Variants in EPHA6 observed in about 807,000 individuals in gnomAD.
EPHA6 encodes the protein ephrin type-A receptor 6.
A neutral mutation model predicts 112.0 loss-of-function variants in EPHA6; 50 were observed. The observed-to-expected ratio is 0.45, with a 90% CI of 0.36 to 0.56. EPHA6 has a LOEUF of 0.56. EPHA6 is among the 20% of genes least tolerant of loss of function. The pLI is 0.00. For synonymous variants in EPHA6, 529 were observed against 490.7 expected (o/e 1.08, Z -1.03); for missense variants, 1,280 against 1,417.4 (o/e 0.90, Z 1.56).
At chr3:96,896,274 A>G (rs2038265949) in intron 2 of EPHA6, among the ~76,000 whole-genome samples, 1 of 151,996 alleles carries the variant, frequency 6.6e-6, no homozygotes, top group Non-Finnish European at 1.5e-5. Flanking sequence ...TAGGGATGTA[A>G]TTTTCATTTA....
At chr3:96,867,991 C>G (rs1168369562) in intron 2 of EPHA6, among the ~76,000 whole-genome samples, 2 of 151,854 alleles carry the variant, frequency 1.3e-5, no homozygotes, top group Non-Finnish European at 2.9e-5. Context: ...GAGCTCTTAT[C>G]AAACTGTTTC....
At chr3:97,000,557 C>T (rs1016913132) in intron 3 of EPHA6, among the ~76,000 whole-genome samples, 2 of 151,650 alleles carry the variant, frequency 1.3e-5, no homozygotes, top group African/African-American at 4.8e-5. Flanking sequence ...TTTTCTTTCT[C>T]TAGCTCTGTT....
chr3:97,425,304 T>C (rs2089019924), intron 6 of EPHA6, among the ~76,000 whole-genome samples: 1 of 152,238 alleles, frequency 6.6e-6, no homozygotes, highest in South Asian at 2.1e-4. Flanking sequence ...GCTTCATCCC[T>C]GCAGCACAGC....
chr3:97,324,405 T>TTTTCTCTTTC (rs2082269667), intron 5 of EPHA6, among the ~76,000 whole-genome samples: 1 of 104,566 alleles, frequency 9.6e-6, no homozygotes, highest in Admixed American at 1.1e-4. Context: ...GCTTTCCTTC[T>TTTTCTCTTTC]TTTCTTTCTT....
At chr3:97,213,997 C>CTG (rs10557927) in intron 3 of EPHA6, among the ~76,000 whole-genome samples, 4,530 of 128,868 alleles carry the variant, frequency 0.035, 86 homozygotes, top group Non-Finnish European at 0.043. Context: ...CTCATGTGTT[C>CTG]TGTGTGTGTG....
chr3:97,220,936 G>C (rs2078176348), intron 3 of EPHA6, among the ~76,000 whole-genome samples: 1 of 152,196 alleles, frequency 6.6e-6, no homozygotes, highest in African/African-American at 2.4e-5. Context: ...AGGCAGACCT[G>C]AGATGAATGC....
At chr3:97,655,629 T>C (rs1056251603) in intron 14 of EPHA6, among the ~76,000 whole-genome samples, 9 of 151,752 alleles carry the variant, frequency 5.9e-5, no homozygotes, top group Non-Finnish European at 1.0e-4. Flanking sequence ...TTATAGTCCT[T>C]TGGGTATATA....
chr3:97,288,196 A>G (rs773237175), intron 5 of EPHA6, among the ~76,000 whole-genome samples: 3 of 152,212 alleles, frequency 2.0e-5, no homozygotes, highest in Non-Finnish European at 2.9e-5. Context: ...GGTAGTGAGC[A>G]TAGCACCCAA....
At chr3:97,669,007 A>G (rs1332204781) in intron 14 of EPHA6, among the ~76,000 whole-genome samples, 8 of 149,580 alleles carry the variant, frequency 5.3e-5, no homozygotes, top group African/African-American at 2.0e-4. Context: ...GCTAATTATT[A>G]AAGCTTCTGG....
At chr3:97,544,700 G>A (rs556328929) in intron 11 of EPHA6, among the ~76,000 whole-genome samples, 7 of 152,206 alleles carry the variant, frequency 4.6e-5, no homozygotes, top group South Asian at 2.1e-4. Flanking sequence ...GGTAGAATTC[G>A]GCTGTGAATC....
At chr3:96,874,756 C>T (rs2107485995) in intron 2 of EPHA6, among the ~76,000 whole-genome samples, 1 of 152,222 alleles carries the variant, frequency 6.6e-6, no homozygotes, top group South Asian at 2.1e-4. Context: ...AATCAGACTC[C>T]TCTTTTAGGA....
chr3:96,868,921 G>A (rs2036480621), intron 2 of EPHA6, among the ~76,000 whole-genome samples: 1 of 151,884 alleles, frequency 6.6e-6, no homozygotes, highest in African/African-American at 2.4e-5. Context: ...GGCATTCAGA[G>A]TGTGCCTGTG....
chr3:97,693,404 TGAA>T (rs1291784489), intron 14 of EPHA6, among the ~76,000 whole-genome samples: 1 of 152,258 alleles, frequency 6.6e-6, no homozygotes, highest in Non-Finnish European at 1.5e-5. Context: ...AGTCTTCTTC[TGAA>T]GGACAATTGT....
intron 14 of EPHA6, among the ~76,000 whole-genome samples, chr3:97,676,520 A>G (rs1253002076): frequency 6.6e-6 from 1 of 152,234 alleles, no homozygotes; most frequent in Admixed American, 6.5e-5. Flanking sequence ...ACTCTTTCAA[A>G]GAATTTTGTT....
intron 3 of EPHA6, among the ~76,000 whole-genome samples, chr3:97,110,974 G>A (rs2047706768): frequency 6.6e-6 from 1 of 152,068 alleles, no homozygotes; most frequent in African/African-American, 2.4e-5. Flanking sequence ...TATTTAAATA[G>A]TTTATATCCT....
At chr3:97,467,327 T>C (rs2091088229) in intron 7 of EPHA6, among the ~76,000 whole-genome samples, 1 of 151,838 alleles carries the variant, frequency 6.6e-6, no homozygotes, top group African/African-American at 2.4e-5. Context: ...AAAAATAGAC[T>C]CCAAATAAAT....
chr3:96,872,291 A>G (rs1204232650), intron 2 of EPHA6, among the ~76,000 whole-genome samples: 1 of 152,086 alleles, frequency 6.6e-6, no homozygotes, highest in Non-Finnish European at 1.5e-5. Context: ...AGCACATGTC[A>G]GCACAGGTGA....
chr3:96,881,726 G>A (rs528609454), intron 2 of EPHA6, among the ~76,000 whole-genome samples: 7 of 152,248 alleles, frequency 4.6e-5, no homozygotes, highest in African/African-American at 1.4e-4. Flanking sequence ...CCAAGACAAG[G>A]CAAATTTCTG....
At chr3:97,566,510 G>A (rs777836645) in intron 11 of EPHA6, among the ~76,000 whole-genome samples, 5 of 152,270 alleles carry the variant, frequency 3.3e-5, no homozygotes, top group African/African-American at 4.8e-5. Context: ...GCTGCTTTGG[G>A]ATCCAATCTT....
Sources: gnomAD v4.1 joint callset for allele counts (sites outside exome capture counted in the v4.1 genomes callset) on GRCh38, gnomAD v4.1.1 for gene constraint, MANE v1.5 for transcripts, NCBI Gene and HGNC (gene_info 2026-07-23, HGNC 2026-07-21) for gene names.